The following ARHGAP42 variants were observed in gnomAD, a reference collection of about 807,000 sequenced individuals.
ARHGAP42 encodes rho GTPase-activating protein 42.
A neutral mutation model predicts 125.0 loss-of-function variants in ARHGAP42; 63 were observed. That is an observed-to-expected ratio of 0.50 (90% CI 0.41 to 0.62). The LOEUF is 0.62. ARHGAP42 is among the 20% of genes least tolerant of loss of function. The pLI, the probability that ARHGAP42 is intolerant of heterozygous loss-of-function variation, is 0.00. For synonymous variants in ARHGAP42, 339 were observed against 351.0 expected, an observed-to-expected ratio of 0.97 and a Z score of 0.38; for missense variants, 766 against 1,024.2, an observed-to-expected ratio of 0.75 and a Z score of 3.44.
At chr11:100,704,515 G>A in intron 1 of ARHGAP42, among the ~76,000 whole-genome samples, 1 of 152,148 alleles carries the variant, frequency 6.6e-6, no homozygotes, top group East Asian at 1.9e-4. Flanking sequence ...TCCCAGTATT[G>A]CCTTCATTCC....
In ARHGAP42 at chr11:100,857,217, G is replaced by A. The variant is rs558929373; in HGVS notation, c.313-2337G>A. On this transcript the variant is annotated intron_variant, in intron 3 of 23. Transcript: ENST00000298815. ...TCCTTCGGTTTAACATTAATAGAAC[G>A]GGAGAAGAAGAAAAAAAAATTAAAG... is the stretch of plus-strand genomic sequence containing the variant. 3.0e-4 allele frequency among the ~76,000 whole-genome samples: 45 copies of A among 151,584 alleles called. 2 individuals are homozygous for A. The South Asian group carries it at 8.3e-3, about 28-fold the overall frequency.
At chr11:100,926,413 T>C (rs1173960247) in intron 6 of ARHGAP42, among the ~76,000 whole-genome samples, 1 of 152,204 alleles carries the variant, frequency 6.6e-6, no homozygotes, top group Non-Finnish European at 1.5e-5. Flanking sequence ...ACTACAGAGA[T>C]TAATCCTTCC....
chr11:100,909,974 C>T (rs1181388702), intron 4 of ARHGAP42, among the ~76,000 whole-genome samples: 1 of 152,090 alleles, frequency 6.6e-6, no homozygotes, highest in Non-Finnish European at 1.5e-5. Flanking sequence ...ACAGTAGTTT[C>T]CTTCCATTCC....
chr11:100,699,098 C>T (rs920955806), intron 1 of ARHGAP42, among the ~76,000 whole-genome samples: 2 of 152,020 alleles, frequency 1.3e-5, no homozygotes, highest in African/African-American at 4.8e-5. Context: ...ATAACGTCAC[C>T]TCCCAGGGTT....
chr11:100,907,525 G>T (rs1429235345), intron 4 of ARHGAP42, among the ~76,000 whole-genome samples: 1 of 152,186 alleles, frequency 6.6e-6, no homozygotes, highest in African/African-American at 2.4e-5. Flanking sequence ...GGGGGAGTTG[G>T]TGGAGAATGG....
chr11:100,724,163 A>C (rs1253103393), intron 1 of ARHGAP42, among the ~76,000 whole-genome samples: 2 of 152,154 alleles, frequency 1.3e-5, no homozygotes, highest in Non-Finnish European at 2.9e-5. Flanking sequence ...TTGCATACCT[A>C]TAATAAATCT....
At position 100,960,965 on chromosome 11, in the gene ARHGAP42, CA is replaced by C; in HGVS notation, c.1281del (p.Lys427AsnfsTer3). ...YRIGGVNSKV[Q>X]KLMNTTFSPK... ...AATAGGAGGAGTGAACTCCAAAGTT[CA>C]AAAACTCATGAATACCACATTTTGT... On this transcript the variant is annotated frameshift_variant, in exon 14 of 24. Coordinates refer to ENST00000298815, the MANE Select transcript of ARHGAP42 (RefSeq NM_152432.4). LOFTEE classifies it high-confidence loss of function. 6.5e-7 allele frequency: 1 copy of C among 1,539,810 alleles called. No homozygotes were observed. The highest frequency in any genetic ancestry group is 2.0e-5 in the Admixed American group (1 of 49,976).
rs1297617467 is a variant in ARHGAP42, at chr11:100,787,228, A to G, written c.251-7877A>G. Among the ~76,000 whole-genome samples, 3 of 151,796 alleles carry G rather than the reference A, an allele frequency of 2.0e-5. 1 individual carries two copies. The highest frequency in any genetic ancestry group is 4.2e-4 in the South Asian group (2 of 4,802). Reference sequence around the variant, plus strand: ...GGGAGGCAGAGCTTGCAGTGAGCCGAGATCGCACCACTGTACTCCAGCCTG... The same window carrying G: ...GGGAGGCAGAGCTTGCAGTGAGCCGGGATCGCACCACTGTACTCCAGCCTG... On this transcript the variant is annotated intron_variant, in intron 2 of 23. Coordinates refer to ENST00000298815, the MANE Select transcript of ARHGAP42 (RefSeq NM_152432.4).
At chr11:100,840,036 A>C (rs1161986058) in intron 3 of ARHGAP42, 1 of 152,200 alleles carries the variant, frequency 6.6e-6, no homozygotes, top group East Asian at 1.9e-4. Flanking sequence ...ATCAAAAGTA[A>C]AAATATGAAC....
chr11:100,827,146 T>G (rs1312297357), intron 3 of ARHGAP42, among the ~76,000 whole-genome samples: 1 of 151,464 alleles, frequency 6.6e-6, no homozygotes, highest in Non-Finnish European at 1.5e-5. Flanking sequence ...TGGGATTACA[T>G]GGGCTGCCAC....
intron 1 of ARHGAP42, among the ~76,000 whole-genome samples, chr11:100,729,062 C>T (rs1000791679): frequency 6.6e-6 from 1 of 150,416 alleles, no homozygotes. Flanking sequence ...AGCCACTGCA[C>T]GCAGCCTCTG....
rs1429806413 is a variant in ARHGAP42, at chr11:100,959,958, T to C, written c.1225+13T>C. 3 of 1,548,948 alleles carry C rather than the reference T, an allele frequency of 1.9e-6. No homozygotes were observed. The highest frequency in any genetic ancestry group is 1.4e-5 in the African/African-American group (1 of 73,114). On this transcript the variant is annotated intron_variant, in intron 13 of 23. Transcript: ENST00000298815. ...GTGGAAACAAGAGGTCAGTGTTGCCTGATTGGTACAGCATCCCTGTCATGT... is the reference window on the plus strand; with the variant it reads ...GTGGAAACAAGAGGTCAGTGTTGCCCGATTGGTACAGCATCCCTGTCATGT...
At chr11:100,711,516 A>G (rs1013279674) in intron 1 of ARHGAP42, among the ~76,000 whole-genome samples, 1 of 152,134 alleles carries the variant, frequency 6.6e-6, no homozygotes, top group African/African-American at 2.4e-5. Flanking sequence ...TACCATGCCC[A>G]GATAATTTTT....
At chr11:100,966,315 A>G (rs1858093135) in intron 17 of ARHGAP42, among the ~76,000 whole-genome samples, 1 of 152,182 alleles carries the variant, frequency 6.6e-6, no homozygotes, top group African/African-American at 2.4e-5. Flanking sequence ...AAACAAAAGC[A>G]ATAGTGTGTG....
intron 4 of ARHGAP42, among the ~76,000 whole-genome samples, chr11:100,861,589 A>G (rs1865446250): frequency 6.6e-6 from 1 of 152,198 alleles, no homozygotes; most frequent in Non-Finnish European, 1.5e-5. Flanking sequence ...TAGAGGTGAA[A>G]TGACAACAGT....
At chr11:100,734,842 G>C (rs1256384492) in intron 1 of ARHGAP42, among the ~76,000 whole-genome samples, 1 of 152,190 alleles carries the variant, frequency 6.6e-6, no homozygotes, top group South Asian at 2.1e-4. Context: ...GTTTCTGAGA[G>C]TGGGACACAC....
chr11:100,986,090 T>TAGCTGAGTAGTCTG (rs1206432597), intron 22 of ARHGAP42: 1 of 456,588 alleles, frequency 2.2e-6, no homozygotes, highest in Non-Finnish European at 4.4e-6. Flanking sequence ...TTTCCTGAGT[T>TAGCTGAGTAGTCTG]ATACTACTAA....
chr11:100,842,607 T>A (rs572114346), intron 3 of ARHGAP42, among the ~76,000 whole-genome samples: 60 of 152,230 alleles, frequency 3.9e-4, no homozygotes, highest in Non-Finnish European at 7.8e-4. Context: ...AAGGTTTTCT[T>A]GGTAGGCCAA....
intron 1 of ARHGAP42, among the ~76,000 whole-genome samples, chr11:100,704,413 G>A (rs73003812): frequency 0.022 from 3,363 of 152,284 alleles, 66 homozygotes; most frequent in Non-Finnish European, 0.036. Context: ...AGAGAATGCA[G>A]ATCCTGAATA....
Sources: allele counts gnomAD v4.1 joint callset (sites outside exome capture counted in the v4.1 genomes callset), GRCh38; gene constraint gnomAD v4.1.1; transcripts MANE v1.5; gene names NCBI Gene and HGNC (gene_info 2026-07-23, HGNC 2026-07-21).